PNPLA7: variants seen among roughly 807,000 people sequenced by gnomAD.
PNPLA7 encodes the protein patatin like domain 7, lysophospholipase, also known as patatin-like phospholipase domain-containing protein 7.
In PNPLA7, 153 loss-of-function variants were observed where a neutral mutation model predicts 161.7. The ratio of observed to expected loss-of-function variants is 0.95; its 90% CI spans 0.83 to 1.08. The LOEUF (loss-of-function observed/expected upper bound fraction) is 1.08. PNPLA7 is among the 50% of genes least tolerant of loss of function. PNPLA7 has a pLI of 0.00. For missense variants in PNPLA7, 1,739 were observed against 1,856.6 expected (o/e 0.94, Z 1.16); for synonymous variants, 809 against 782.1 (o/e 1.03, Z -0.57).
chr9:137,461,769 C>T, intron 32 of PNPLA7, 149 bp from the exon 33 acceptor site: 1 of 1,175,564 alleles, frequency 8.5e-7, no homozygotes, highest in Non-Finnish European at 1.2e-6. Flanking sequence ...GGGAGATGCG[C>T]AGTCCTGAGC....
At chr9:137,501,050 G>A (rs768010617) in intron 15 of PNPLA7, among the ~76,000 whole-genome samples, 154 bp from the exon 16 acceptor site, 28 of 152,188 alleles carry the variant, frequency 1.8e-4, no homozygotes, top group Non-Finnish European at 3.1e-4. Flanking sequence ...GAAACATTTC[G>A]GCAGCGTCTA....
chr9:137,473,944 G>C (rs1201588697), intron 25 of PNPLA7, among the ~76,000 whole-genome samples: 1 of 152,174 alleles, frequency 6.6e-6, no homozygotes, highest in Non-Finnish European at 1.5e-5. Context: ...AGAAGGATTT[G>C]AACAAGAGTT....
Position 137,486,469 on chromosome 9 carries a change from TTAAA to T in PNPLA7, c.2198-1737_2198-1734del, listed in dbSNP as rs1214063585. Among the ~76,000 whole-genome samples the T allele has an allele frequency of 6.6e-6, 1 of 152,168 alleles. No individual in the cohort carries two copies. Among genetic ancestry groups the T allele is most frequent in the East Asian group, 1.9e-4 (1 of 5,198 alleles). ...GTGGTTTATAAATGTGATTCCATTATTAAATAAATACTCAAGGCCTCCCAAAAGA... is the reference window on the plus strand; with the variant it reads ...GTGGTTTATAAATGTGATTCCATTATTAAATACTCAAGGCCTCCCAAAAGA... On this transcript the variant is annotated intron_variant, in intron 20 of 34. Coordinates refer to ENST00000406427, the MANE Select transcript of PNPLA7 (RefSeq NM_001098537.3). This position sits in a 1 kb window ranked among gnomAD's most constrained non-coding sequence, Gnocchi z 6.0.
chr9:137,468,582 G>A lies in PNPLA7; in HGVS notation c.2883-1109C>T, dbSNP rs1010411423. 6.6e-5 allele frequency among the ~76,000 whole-genome samples: 10 copies of A among 152,214 alleles called. No homozygotes were observed. In the East Asian group the frequency reaches 1.7e-3, roughly 26 times the overall value. On this transcript the variant is annotated intron_variant, in intron 25 of 34. Coordinates refer to ENST00000406427, the MANE Select transcript of PNPLA7 (RefSeq NM_001098537.3). This position sits in a 1 kb window ranked among gnomAD's most constrained non-coding sequence, Gnocchi z 4.0. ...TGTGGTTTAGCTCTCTGTCCCCACC[G>A]AAATCTCATGTTGAATTTTAATCCT...
At position 137,540,760 on chromosome 9, in the gene PNPLA7, G is replaced by A; in HGVS notation, c.667-38C>T. The A allele has an allele frequency of 6.3e-7, 1 of 1,579,120 alleles. No homozygotes were observed. The highest frequency in any genetic ancestry group is 8.6e-7 in the Non-Finnish European group (1 of 1,160,010). ...AGCAGAGTGGGTGCCGTCAGGTCTG[G>A]GGCTGCGACCGCGGGGCCTGGCGGA... On this transcript the variant is annotated intron_variant, in intron 7 of 34. Transcript: ENST00000406427. The surrounding 1 kb of genome is among the most constrained non-coding windows in gnomAD (Gnocchi z 5.1).
At chr9:137,475,436 G>A (rs754610909) in intron 25 of PNPLA7, among the ~76,000 whole-genome samples, 4 of 152,112 alleles carry the variant, frequency 2.6e-5, no homozygotes, top group Non-Finnish European at 5.9e-5. Flanking sequence ...GGGCAGTGGC[G>A]CAATCTCAGC....
chr9:137,542,637 C>T lies in PNPLA7; in HGVS notation c.666+5G>A. 3 of 1,584,884 alleles carry T rather than the reference C, an allele frequency of 1.9e-6. No homozygotes were observed. Among genetic ancestry groups the T allele is most frequent in the Non-Finnish European group, 1.7e-6 (2 of 1,160,046 alleles). ...CTGACCCCGCCCCGCCGCCCTGCGA[C>T]TCACAGTGTCCTGGATGCAGACCTC... On this transcript the variant is annotated splice_donor_5th_base_variant and intron_variant, in intron 7 of 34. Transcript: ENST00000406427.
In PNPLA7 at chr9:137,480,718, G is replaced by A; in HGVS notation, c.2412-238C>T. On this transcript the variant is annotated intron_variant, in intron 22 of 34. Transcript: ENST00000406427. Reference sequence around the variant, plus strand: ...TTGAGGGGCAGGCTGGGGAGAGTGAGACCCGGGGCTGCCCAGGCGGGAAGC... The same window carrying A: ...TTGAGGGGCAGGCTGGGGAGAGTGAAACCCGGGGCTGCCCAGGCGGGAAGC... The A allele has an allele frequency of 9.7e-6, 7 of 719,736 alleles. No individual in the cohort carries two copies. In the South Asian group the frequency reaches 1.3e-4, roughly 14 times the overall value. 44.6% of individuals were successfully genotyped at this position (719,736 alleles called of 1,614,324 possible).
chr9:137,509,533 G>GCTGGCATGAGTGAGTTTAA (rs1834102234), intron 12 of PNPLA7: 3 of 269,542 alleles, frequency 1.1e-5, no homozygotes, highest in African/African-American at 2.2e-5. Context: ...AGTGAGTTTA[G>GCTGGCATGAGTGAGTTTAA]CTGGTACGAA....
chr9:137,498,757 C>CTGTCGTGTG (rs1363329371), intron 16 of PNPLA7, among the ~76,000 whole-genome samples: 1 of 151,974 alleles, frequency 6.6e-6, no homozygotes, highest in Non-Finnish European at 1.5e-5. Context: ...TGTGGACAGA[C>CTGTCGTGTG]TGTCGAGGGT....
In PNPLA7 at chr9:137,543,903, C is replaced by A; in HGVS notation, c.274-88G>T. The A allele has an allele frequency of 1.8e-6, 2 of 1,096,586 alleles. No individual in the cohort carries two copies. The highest frequency in any genetic ancestry group is 2.8e-6 in the Non-Finnish European group (2 of 721,528). 67.9% of individuals were successfully genotyped at this position (1,096,586 alleles called of 1,614,324 possible). ...CATGGGGATCAGTCCTCAGGACCTG[C>A]CTGTGGGCCTCCCACAGTCCCAGCT... On this transcript the variant is annotated intron_variant, in intron 4 of 34. Transcript: ENST00000406427. This position sits in a 1 kb window ranked among gnomAD's most constrained non-coding sequence, Gnocchi z 6.9.
intron 8 of PNPLA7, among the ~76,000 whole-genome samples, chr9:137,528,559 G>A (rs1253233600): frequency 6.6e-6 from 1 of 152,074 alleles, no homozygotes; most frequent in East Asian, 1.9e-4. Flanking sequence ...TGGGATTACA[G>A]GCATGAGCCA....
At chr9:137,502,741 A>G (rs112664346) in intron 14 of PNPLA7, among the ~76,000 whole-genome samples, 85 of 8,170 alleles carry the variant, frequency 0.01, no homozygotes, top group African/African-American at 0.016. Context: ...GGGGGACGAG[A>G]GGGATGTGGG....
intron 28 of PNPLA7, among the ~76,000 whole-genome samples, 177 bp downstream of exon 28, chr9:137,463,949 G>A (rs1040487198): frequency 1.3e-5 from 2 of 152,190 alleles, no homozygotes; most frequent in African/African-American, 2.4e-5. Context: ...CCCAGGCCAC[G>A]CCCCCTCCTG....
intron 8 of PNPLA7, among the ~76,000 whole-genome samples, chr9:137,533,888 AGT>A: frequency 2.7e-5 from 3 of 112,444 alleles, no homozygotes; most frequent in Admixed American, 8.9e-5. Context: ...CAGACTCCTC[AGT>A]GAGTGTCCCC....
chr9:137,488,120 T>C (rs1307856525), intron 20 of PNPLA7, among the ~76,000 whole-genome samples: 2 of 152,234 alleles, frequency 1.3e-5, no homozygotes, highest in African/African-American at 4.8e-5. Context: ...ATCCTGAGCT[T>C]CGGCCTGAAC....
rs561747174 is a variant in PNPLA7, at chr9:137,492,933, G to A, written c.2197+80C>T. ...GGGCGGGGCCATGGGCTGGGAGGGC[G>A]GGGCCATGGGCTGGGTGGGCGGGGC... On this transcript the variant is annotated intron_variant, in intron 20 of 34. Transcript: ENST00000406427. 21 of 1,267,860 alleles carry A rather than the reference G, an allele frequency of 1.7e-5. No individual in the cohort carries two copies. In the South Asian group the frequency reaches 1.8e-4, roughly 11 times the overall value. The allele number at this position is 1,267,860 out of a possible 1,614,324, so 78.5% of individuals were successfully genotyped here. A position where few individuals can be genotyped will look rare whatever the true frequency, so the allele number is the denominator to read the frequency against.
In PNPLA7 at chr9:137,515,616, G is replaced by C; in HGVS notation, c.1085-97C>G. On this transcript the variant is annotated intron_variant, in intron 11 of 34. Coordinates refer to ENST00000406427, the MANE Select transcript of PNPLA7 (RefSeq NM_001098537.3). The stretch of plus-strand genomic sequence containing the variant: ...CCACGCAGGGAGCAGGGTCCCCACA[G>C]TGCCCTGCGCACCTGAACGCGCTCT... 2.9e-6 allele frequency: 4 copies of C among 1,400,890 alleles called. No individual in the cohort carries two copies. The South Asian group carries it at 6.0e-5, about 21-fold the overall frequency. 86.8% of individuals were successfully genotyped at this position (1,400,890 alleles called of 1,614,324 possible).
At chr9:137,519,197 G>C (rs1302567282) in intron 11 of PNPLA7, among the ~76,000 whole-genome samples, 1 of 152,260 alleles carries the variant, frequency 6.6e-6, no homozygotes, top group Non-Finnish European at 1.5e-5. Flanking sequence ...TTGGGAACAT[G>C]ATGGGCTATA....
Sources: allele counts gnomAD v4.1 joint callset (sites outside exome capture counted in the v4.1 genomes callset), GRCh38; gene constraint gnomAD v4.1.1; non-coding constraint Gnocchi (gnomAD v3.1); transcripts MANE v1.5; gene names NCBI Gene and HGNC (gene_info 2026-07-23, HGNC 2026-07-21).